Variants in MTUS1 observed in about 807,000 individuals in gnomAD.
MTUS1 encodes microtubule-associated tumor suppressor 1.
MTUS1 carries 109 observed loss-of-function variants against 120.8 expected under a neutral mutation model. The ratio of observed to expected loss-of-function variants is 0.90; its 90% CI spans 0.77 to 1.06. The LOEUF (loss-of-function observed/expected upper bound fraction) is 1.06, where lower values mean the gene tolerates loss of function less well. Among genes scored for constraint, MTUS1 ranks in the 50% least tolerant of loss-of-function variants. The probability of loss-of-function intolerance (pLI) is 0.00; values close to 1 mark genes in which losing one functional copy is unlikely to be tolerated. For missense variants in MTUS1, 2,210 were observed against 1,486.3 expected (o/e 1.49, Z -8.01); for synonymous variants, 737 against 550.5 (o/e 1.34, Z -4.74).
chr8:17,753,920 C>T lies in MTUS1; in HGVS notation c.1888G>A (p.Val630Ile), dbSNP rs377451974. 30 of 1,614,020 alleles carry T rather than the reference C, an allele frequency of 1.9e-5. No homozygotes were observed. Among genetic ancestry groups the T allele is most frequent in the Middle Eastern group, 1.6e-4 (1 of 6,084 alleles). ...SSNSACETGS[V>I]SALFQKIKGI... ...TTGATCTTCTGAAACAACGCAGAAACGGACCCGGTCTCGCATGCTGAGTTA... is the reference window on the plus strand; with the variant it reads ...TTGATCTTCTGAAACAACGCAGAAATGGACCCGGTCTCGCATGCTGAGTTA... Residue 630 changes from valine (V) to isoleucine (I), a missense_variant, in exon 2 of 15, where the codon GTT becomes ATT. By Grantham distance (29) the Val-to-Ile change is conservative. Coordinates refer to ENST00000693296, the MANE Select transcript of MTUS1 (RefSeq NM_001363059.2).
intron 1 of MTUS1, among the ~76,000 whole-genome samples, chr8:17,779,517 T>C (rs2050710666): frequency 6.6e-6 from 1 of 152,264 alleles, no homozygotes; most frequent in African/African-American, 2.4e-5. Flanking sequence ...AATTTGCCAT[T>C]ATTTATTTAA....
chr8:17,751,862 T>TAAAAAAAAAAAAAAAAAAA (rs56362055), intron 2 of MTUS1, among the ~76,000 whole-genome samples: 26 of 96,510 alleles, frequency 2.7e-4, no homozygotes, highest in Non-Finnish European at 4.8e-4. Context: ...GACTCTGCCT[T>TAAAAAAAAAAAAAAAAAAA]AAAAAAAAAA....
At chr8:17,743,386 G>A (rs1430483030) in intron 3 of MTUS1, among the ~76,000 whole-genome samples, 1 of 152,128 alleles carries the variant, frequency 6.6e-6, no homozygotes, top group East Asian at 1.9e-4. Context: ...TAGCTTATAA[G>A]ATGGTTTATA....
chr8:17,700,785 C>T (rs1443144961), intron 6 of MTUS1, among the ~76,000 whole-genome samples: 2 of 151,696 alleles, frequency 1.3e-5, no homozygotes, highest in African/African-American at 4.8e-5. Flanking sequence ...GCCGAGTTTT[C>T]ATAATGACAC....
intron 1 of MTUS1, among the ~76,000 whole-genome samples, chr8:17,759,370 C>T (rs1273128576): frequency 1.3e-5 from 2 of 149,474 alleles, no homozygotes; most frequent in African/African-American, 4.9e-5. Flanking sequence ...CTCAAGCGAT[C>T]TTCCCACCTC....
intron 6 of MTUS1, chr8:17,697,859 T>C (rs536139652): frequency 1.2e-4 from 43 of 349,194 alleles, no homozygotes; most frequent in African/African-American, 9.4e-4. Context: ...AATTAGGATT[T>C]CCTGAAAGTA....
chr8:17,687,355 C>T (rs4595159), intron 6 of MTUS1, among the ~76,000 whole-genome samples: 17,003 of 152,094 alleles, frequency 0.11, 1,011 homozygotes, highest in Middle Eastern at 0.14. Context: ...TCTCCAATGA[C>T]GCTCAAAACC....
At chr8:17,723,608 G>T in intron 4 of MTUS1, 64 bp downstream of exon 4, 1 of 1,492,688 alleles carries the variant, frequency 6.7e-7, no homozygotes, top group Non-Finnish European at 9.3e-7. Context: ...TATTTGCAGA[G>T]CATTAGTTTT....
intron 3 of MTUS1, among the ~76,000 whole-genome samples, chr8:17,739,887 G>C (rs1014736165): frequency 5.9e-5 from 9 of 152,106 alleles, no homozygotes; most frequent in African/African-American, 2.2e-4. Context: ...TTTAGATTTG[G>C]TTTGTTATAA....
intron 6 of MTUS1, among the ~76,000 whole-genome samples, chr8:17,701,698 C>G (rs564664471): frequency 5.1e-4 from 77 of 152,154 alleles, no homozygotes; most frequent in African/African-American, 1.7e-3. Flanking sequence ...CAGGCGCCCG[C>G]CACCACGCCT....
intron 4 of MTUS1, chr8:17,723,111 G>A (rs1046682120): frequency 3.1e-5 from 5 of 162,270 alleles, no homozygotes; most frequent in African/African-American, 7.2e-5. Flanking sequence ...TCGTGGGGAA[G>A]TATAAAAAAG....
At position 17,644,628 on chromosome 8, in the gene MTUS1, G is replaced by GTAAC. The variant is rs1272819000; in HGVS notation, c.*1294_*1297dup. The GTAAC allele has an allele frequency of 1.3e-5, 2 of 152,310 alleles. No homozygotes were observed. The highest frequency in any genetic ancestry group is 4.8e-5 in the African/African-American group (2 of 41,568). 9.4% of individuals were successfully genotyped at this position (152,310 alleles called of 1,614,324 possible). On this transcript the variant is annotated 3_prime_UTR_variant, in exon 15 of 15. Coordinates refer to ENST00000693296, the MANE Select transcript of MTUS1 (RefSeq NM_001363059.2). ...CAAAGACAAAGGGACTCCTTAAAGG[G>GTAAC]TAACTGAAAAATGAGCGCTATCCTC...
intron 5 of MTUS1, among the ~76,000 whole-genome samples, chr8:17,715,007 G>C (rs1822056142): frequency 2.2e-5 from 3 of 138,440 alleles, no homozygotes; most frequent in African/African-American, 8.0e-5. Context: ...CTGGGTTCAA[G>C]CAATTCTCAT....
chr8:17,760,936 G>A (rs1359255235), intron 1 of MTUS1, among the ~76,000 whole-genome samples: 1 of 151,684 alleles, frequency 6.6e-6, no homozygotes, highest in African/African-American at 2.4e-5. Flanking sequence ...CAGAACAAAG[G>A]TATAACACTT....
rs1309069557 is a variant in MTUS1, at chr8:17,644,247, AAAGACTT to A, written c.*1672_*1678del. 1 of 152,654 alleles carries A rather than the reference AAAGACTT, an allele frequency of 6.6e-6. No homozygotes were observed. Among genetic ancestry groups the A allele is most frequent in the African/African-American group, 2.4e-5 (1 of 41,466 alleles). The allele number at this position is 152,654 out of a possible 1,614,324, so 9.5% of individuals were successfully genotyped here. A position where few individuals can be genotyped will look rare whatever the true frequency, so the allele number is the denominator to read the frequency against. ...CATACATGATGAAGTATTGGAAGTT[AAAGACTT>A]AAGACACAAAATCACTAATTTAAAA... On this transcript the variant is annotated 3_prime_UTR_variant, in exon 15 of 15. Coordinates refer to ENST00000693296, the MANE Select transcript of MTUS1 (RefSeq NM_001363059.2).
rs1177829253 is a variant in MTUS1, at chr8:17,763,950, C to T, written c.-154-7989G>A. On this transcript the variant is annotated intron_variant, in intron 1 of 14. Coordinates refer to ENST00000693296, the MANE Select transcript of MTUS1 (RefSeq NM_001363059.2). ...AAGTGTGGAAACGTGTTAAAGATGA[C>T]GGAACCACAAGATGGAACAAGCCTG... Among the ~76,000 whole-genome samples, 6 of 152,192 alleles carry T rather than the reference C, an allele frequency of 3.9e-5. No individual in the cohort carries two copies. In the South Asian group the frequency reaches 8.3e-4, roughly 21 times the overall value.
At chr8:17,701,707 C>G (rs951034419) in intron 6 of MTUS1, among the ~76,000 whole-genome samples, 1 of 152,002 alleles carries the variant, frequency 6.6e-6, no homozygotes, top group Non-Finnish European at 1.5e-5. Flanking sequence ...GCCACCACGC[C>G]TGACTAATTT....
intron 8 of MTUS1, among the ~76,000 whole-genome samples, chr8:17,659,272 C>T (rs1440920315): frequency 6.6e-6 from 1 of 152,180 alleles, no homozygotes; most frequent in Non-Finnish European, 1.5e-5. Flanking sequence ...AGACAACAGA[C>T]AGAGGAGAAG....
intron 1 of MTUS1, among the ~76,000 whole-genome samples, chr8:17,798,551 C>G: frequency 6.6e-6 from 1 of 152,156 alleles, no homozygotes; most frequent in African/African-American, 2.4e-5. Context: ...CCAGGCTGGT[C>G]TCGAACCCCT....
Sources: gnomAD v4.1 joint callset for allele counts (sites outside exome capture counted in the v4.1 genomes callset) on GRCh38, gnomAD v4.1.1 for gene constraint, MANE v1.5 for transcripts, NCBI Gene and HGNC (gene_info 2026-07-23, HGNC 2026-07-21) for gene names.